Variants in THBS4 observed in about 807,000 individuals in gnomAD.
The protein encoded by THBS4 is thrombospondin 4, also known as thrombospondin-4.
A neutral mutation model predicts 115.7 loss-of-function variants in THBS4; 90 were observed. The observed-to-expected ratio is 0.78, with a 90% confidence interval of 0.66 to 0.93. The LOEUF (loss-of-function observed/expected upper bound fraction) is 0.93. THBS4 is among the 40% of genes least tolerant of loss of function. THBS4 has a pLI of 0.00. For missense variants in THBS4, 1,087 were observed against 1,232.7 expected (o/e 0.88, Z 1.77); for synonymous variants, 460 against 479.3 (o/e 0.96, Z 0.53).
At chr5:80,072,686 C>T in intron 14 of THBS4, 2 of 385,096 alleles carry the variant, frequency 5.2e-6, no homozygotes, top group Non-Finnish European at 9.6e-6. Context: ...GAAAACGGAG[C>T]ATGGAAATTA....
chr5:80,010,320 C>T (rs930972104), intron 2 of THBS4, among the ~76,000 whole-genome samples: 6 of 152,162 alleles, frequency 3.9e-5, no homozygotes, highest in African/African-American at 1.4e-4. Flanking sequence ...AATAGAGTGG[C>T]TCAAATGAGA....
At chr5:80,050,338 G>A (rs960852344) in intron 2 of THBS4, among the ~76,000 whole-genome samples, 7 of 152,178 alleles carry the variant, frequency 4.6e-5, no homozygotes, top group Non-Finnish European at 8.8e-5. Context: ...AATTTTGCAG[G>A]TAGGGGCTTG....
At chr5:80,010,517 T>C (rs1019079783) in intron 2 of THBS4, among the ~76,000 whole-genome samples, 1 of 152,220 alleles carries the variant, frequency 6.6e-6, no homozygotes, top group Non-Finnish European at 1.5e-5. Flanking sequence ...CACTCACCAC[T>C]ACCCTCACTC....
intron 1 of THBS4, among the ~76,000 whole-genome samples, chr5:80,037,008 G>A (rs1053098552): frequency 5.9e-5 from 9 of 152,296 alleles, no homozygotes; most frequent in Admixed American, 5.9e-4. Flanking sequence ...CTTTTAGTTT[G>A]TGTTGAAGTA....
chr5:80,059,559 A>C, intron 6 of THBS4, 68 bp downstream of exon 6: 2 of 1,604,652 alleles, frequency 1.2e-6, no homozygotes, highest in Non-Finnish European at 1.7e-6. Flanking sequence ...GCTTGCGGTG[A>C]GGCTGTGTTG....
intron 20 of THBS4, chr5:80,082,153 G>T: frequency 2.3e-6 from 1 of 433,182 alleles, no homozygotes; most frequent in Non-Finnish European, 4.1e-6. Context: ...GTGAGAGACA[G>T]AAGTTGGGAA....
chr5:80,080,529 A>G (rs1743435900), intron 20 of THBS4, among the ~76,000 whole-genome samples: 1 of 146,254 alleles, frequency 6.8e-6, no homozygotes, highest in Non-Finnish European at 1.5e-5. Flanking sequence ...TGTCCCTTAC[A>G]GTCTGTCTTC....
At chr5:80,009,691 G>A (rs550106746) in intron 2 of THBS4, among the ~76,000 whole-genome samples, 1 of 151,442 alleles carries the variant, frequency 6.6e-6, no homozygotes, top group East Asian at 1.9e-4. Context: ...AGTTTCCAAA[G>A]AGAATACATG....
At chr5:80,036,653 C>T (rs561285950) in intron 1 of THBS4, among the ~76,000 whole-genome samples, 1 of 152,254 alleles carries the variant, frequency 6.6e-6, no homozygotes, top group East Asian at 1.9e-4. Context: ...AGCAGTTAAA[C>T]AGAATTTTTT....
chr5:79,999,536 A>T (rs970397166), intron 2 of THBS4, among the ~76,000 whole-genome samples: 4 of 152,202 alleles, frequency 2.6e-5, no homozygotes. Flanking sequence ...TTAAGTCATT[A>T]TGTGTATTGT....
intron 1 of THBS4, among the ~76,000 whole-genome samples, chr5:79,993,932 AG>A (rs1298442808): frequency 6.6e-6 from 1 of 152,212 alleles, no homozygotes; most frequent in Non-Finnish European, 1.5e-5. Flanking sequence ...ATCCTTAAGG[AG>A]GGGAAAGAAC....
intron 2 of THBS4, among the ~76,000 whole-genome samples, chr5:80,021,344 A>G (rs1207300188): frequency 1.3e-5 from 2 of 152,206 alleles, no homozygotes; most frequent in South Asian, 2.1e-4. Context: ...AGAGATTTGC[A>G]AAAAGGTAAA....
At chr5:80,042,646 T>C (rs1832939726) in intron 2 of THBS4, among the ~76,000 whole-genome samples, 1 of 152,178 alleles carries the variant, frequency 6.6e-6, no homozygotes, top group African/African-American at 2.4e-5. Context: ...ATGTTTCCTC[T>C]GAAGAATCAC....
intron 3 of THBS4, among the ~76,000 whole-genome samples, chr5:80,057,044 G>A (rs405112): frequency 0.54 from 82,548 of 151,936 alleles, 22,752 homozygotes; most frequent in African/African-American, 0.63. Context: ...GCTAAAATCC[G>A]AGGTTTTTGG....
In THBS4 at chr5:80,078,200, C is replaced by T. The variant is rs762482150; in HGVS notation, c.2238C>T (p.Ile746=). 6.2e-7 allele frequency: 1 copy of T among 1,602,230 alleles called. No homozygotes were observed. The highest frequency in any genetic ancestry group is 1.1e-5 in the South Asian group (1 of 89,598). The change falls in exon 17 of 22, where the codon ATC becomes ATT. Residue 746 remains isoleucine (I), a synonymous_variant. Transcript: ENST00000350881. ...VVLDPEGDAQ[I]DPNWVVLNQG... The stretch of plus-strand genomic sequence containing the variant: ...TGGATCCTGAAGGGGATGCCCAGAT[C>T]GATCCCAACTGGGTGGTCCTGAACC...
In THBS4 at chr5:80,068,063, C is replaced by A. The variant is rs1163265567; in HGVS notation, c.1285C>A (p.Leu429Met). 1.9e-6 allele frequency: 3 copies of A among 1,614,210 alleles called. No individual in the cohort carries two copies. In the Admixed American group the frequency reaches 5.0e-5, roughly 27 times the overall value. ...GGAAAGAAACTGCAGAAACCCAGAG[C>A]TGAACCCTTGCAGTGTGAATGCCCA... ...KAERNCRNPE[L>M]NPCSVNAQCI... The change falls in exon 10 of 22, where the codon CTG (leucine) becomes ATG (methionine). Residue 429 changes from leucine (L) to methionine (M), a missense_variant. Leu to Met is a conservative substitution (Grantham distance 15). This residue lies in a region of THBS4 where 979 missense variants were observed against 1,103.7 expected (regional missense o/e 0.89). Transcript: ENST00000350881.
chr5:80,056,225 C>T (rs1178338153), intron 3 of THBS4, among the ~76,000 whole-genome samples, 193 bp downstream of exon 3: 7 of 152,072 alleles, frequency 4.6e-5, no homozygotes, highest in African/African-American at 1.4e-4. Flanking sequence ...CCGAATCTGT[C>T]GGGTGGGGCC....
chr5:80,033,586 T>G (rs535934473), upstream of THBS4, among the ~76,000 whole-genome samples: 14 of 152,300 alleles, frequency 9.2e-5, no homozygotes, highest in African/African-American at 3.1e-4. Flanking sequence ...CCTTCTACCT[T>G]CTTATTGCTC....
At chr5:80,069,192 A>T (rs980753200) in intron 10 of THBS4, among the ~76,000 whole-genome samples, 1 of 152,176 alleles carries the variant, frequency 6.6e-6, no homozygotes, top group Non-Finnish European at 1.5e-5. Flanking sequence ...TTCCATCTTT[A>T]TCTCAAAGTT....
Sources: allele counts gnomAD v4.1 joint callset (sites outside exome capture counted in the v4.1 genomes callset), GRCh38; gene constraint gnomAD v4.1.1; regional missense constraint gnomAD v4.1.1; transcripts MANE v1.5; gene names NCBI Gene and HGNC (gene_info 2026-07-23, HGNC 2026-07-21).